Variants in SH3GL2 observed in about 807,000 individuals in gnomAD.
The protein encoded by SH3GL2 is endophilin-A1.
A neutral mutation model predicts 46.0 loss-of-function variants in SH3GL2; 24 were observed. The observed-to-expected ratio is 0.52, with a 90% CI of 0.38 to 0.73. The LOEUF (loss-of-function observed/expected upper bound fraction) is 0.73, where lower values mean the gene tolerates loss of function less well. SH3GL2 is among the 30% of genes least tolerant of loss of function. The probability of loss-of-function intolerance (pLI) is 0.00; values close to 1 mark genes in which losing one functional copy is unlikely to be tolerated. For missense variants in SH3GL2, 413 were observed against 424.2 expected (o/e 0.97, Z 0.23); for synonymous variants, 196 against 147.1 (o/e 1.33, Z -2.40).
At chr9:17,695,788 A>G (rs1821187941) in intron 1 of SH3GL2, among the ~76,000 whole-genome samples, 1 of 152,202 alleles carries the variant, frequency 6.6e-6, no homozygotes, top group African/African-American at 2.4e-5. Flanking sequence ...TTTTTTAAAA[A>G]TGGAAACATT....
chr9:17,600,990 A>AG (rs1185684530), intron 1 of SH3GL2, among the ~76,000 whole-genome samples: 1 of 152,204 alleles, frequency 6.6e-6, no homozygotes, highest in African/African-American at 2.4e-5. Context: ...GTTATCCATT[A>AG]GCTCAGTGAC....
chr9:17,599,871 A>G (rs7851637), intron 1 of SH3GL2, among the ~76,000 whole-genome samples: 3,272 of 151,902 alleles, frequency 0.022, 52 homozygotes, highest in African/African-American at 0.046. Context: ...AAAAATATAA[A>G]CGGTGAATAT....
At chr9:17,697,357 G>A (rs982184682) in intron 1 of SH3GL2, among the ~76,000 whole-genome samples, 1 of 151,928 alleles carries the variant, frequency 6.6e-6, no homozygotes, top group Non-Finnish European at 1.5e-5. Context: ...CTGAGTAGTT[G>A]GGATTACAGG....
intron 1 of SH3GL2, among the ~76,000 whole-genome samples, chr9:17,606,886 T>C (rs538097432): frequency 6.6e-6 from 1 of 152,342 alleles, no homozygotes; most frequent in East Asian, 1.9e-4. Context: ...AATTTAGAAA[T>C]AGACGGTCAG....
At chr9:17,761,102 G>A (rs1823156189) in intron 2 of SH3GL2, among the ~76,000 whole-genome samples, 1 of 152,190 alleles carries the variant, frequency 6.6e-6, no homozygotes. Flanking sequence ...CTCCATGCCT[G>A]ACCCACTGTA....
At chr9:17,616,206 A>G (rs1818992980) in intron 1 of SH3GL2, among the ~76,000 whole-genome samples, 1 of 152,202 alleles carries the variant, frequency 6.6e-6, no homozygotes, top group Non-Finnish European at 1.5e-5. Context: ...CTGGAAAAAA[A>G]GAGATAAATT....
chr9:17,681,650 C>A (rs764626186), intron 1 of SH3GL2, among the ~76,000 whole-genome samples: 1 of 152,194 alleles, frequency 6.6e-6, no homozygotes, highest in Admixed American at 6.5e-5. Flanking sequence ...TGGGAAAAGA[C>A]TTCATGACAA....
rs979582726 is a variant in SH3GL2, at chr9:17,791,140, A to C, written c.625-91A>C. On this transcript the variant is annotated intron_variant, in intron 6 of 8. Coordinates refer to ENST00000380607, the MANE Select transcript of SH3GL2 (RefSeq NM_003026.5). ...ACCACCAACCAGGGGCTGTGTGTTG[A>C]GGGCAGCCCTGGTGTATGTATGAAA... The C allele has an allele frequency of 7.7e-5, 66 of 852,452 alleles. 1 individual carries two copies. The Admixed American group carries it at 1.0e-3, about 13-fold the overall frequency. 52.8% of individuals were successfully genotyped at this position (852,452 alleles called of 1,614,324 possible).
chr9:17,696,382 C>A (rs1821202167), intron 1 of SH3GL2, among the ~76,000 whole-genome samples: 1 of 152,106 alleles, frequency 6.6e-6, no homozygotes. Flanking sequence ...TGTATTACAG[C>A]AGACAAATAA....
intron 1 of SH3GL2, among the ~76,000 whole-genome samples, chr9:17,643,336 A>C (rs1819731072): frequency 1.3e-5 from 2 of 152,174 alleles, no homozygotes; most frequent in Non-Finnish European, 2.9e-5. Flanking sequence ...ATCTGCAGAC[A>C]ATAGTTTGAG....
At chr9:17,622,502 C>T (rs1439264341) in intron 1 of SH3GL2, among the ~76,000 whole-genome samples, 1 of 152,186 alleles carries the variant, frequency 6.6e-6, no homozygotes, top group Non-Finnish European at 1.5e-5. Context: ...CAAAGAACCT[C>T]CTATTTCCAG....
intron 1 of SH3GL2, among the ~76,000 whole-genome samples, chr9:17,678,772 A>G (rs894125517): frequency 5.9e-5 from 9 of 152,158 alleles, no homozygotes; most frequent in Admixed American, 5.2e-4. Flanking sequence ...TAGGTCTAAC[A>G]TTTAAGTCTT....
intron 3 of SH3GL2, among the ~76,000 whole-genome samples, chr9:17,777,554 G>A (rs1423319553): frequency 1.3e-5 from 2 of 152,038 alleles, no homozygotes; most frequent in Non-Finnish European, 2.9e-5. Flanking sequence ...TTATTTTCTT[G>A]CAGTTCTGGA....
At chr9:17,741,784 C>T (rs1031899551) in intron 1 of SH3GL2, among the ~76,000 whole-genome samples, 18 of 152,124 alleles carry the variant, frequency 1.2e-4, no homozygotes, top group Non-Finnish European at 2.9e-5. Context: ...TTCATATGAG[C>T]AAATATGCTT....
chr9:17,703,009 G>A (rs973024371), intron 1 of SH3GL2, among the ~76,000 whole-genome samples: 3 of 151,878 alleles, frequency 2.0e-5, no homozygotes, highest in Non-Finnish European at 2.9e-5. Flanking sequence ...CTTAAAAATC[G>A]CTTAGGACTG....
chr9:17,663,664 G>C (rs1820276723), intron 1 of SH3GL2, among the ~76,000 whole-genome samples: 2 of 152,170 alleles, frequency 1.3e-5, no homozygotes, highest in Non-Finnish European at 2.9e-5. Flanking sequence ...CCATCATAGA[G>C]ATGTCAAGGC....
At chr9:17,596,549 C>T (rs1818575224) in intron 1 of SH3GL2, among the ~76,000 whole-genome samples, 1 of 152,070 alleles carries the variant, frequency 6.6e-6, no homozygotes, top group African/African-American at 2.4e-5. Flanking sequence ...TTCTTAGCTT[C>T]TCAGCAAAAA....
chr9:17,648,505 C>G (rs1819880527), intron 1 of SH3GL2, among the ~76,000 whole-genome samples: 1 of 152,084 alleles, frequency 6.6e-6, no homozygotes, highest in South Asian at 2.1e-4. Flanking sequence ...TTAACTCACT[C>G]AAAAACATCC....
intron 1 of SH3GL2, among the ~76,000 whole-genome samples, chr9:17,677,578 A>C (rs1447398518): frequency 6.6e-6 from 1 of 151,938 alleles, no homozygotes; most frequent in Non-Finnish European, 1.5e-5. Context: ...TACTTGTAAA[A>C]GAATGCTATT....
Sources: allele counts gnomAD v4.1 joint callset (sites outside exome capture counted in the v4.1 genomes callset), GRCh38; gene constraint gnomAD v4.1.1; transcripts MANE v1.5; gene names NCBI Gene and HGNC (gene_info 2026-07-23, HGNC 2026-07-21).